The following KCND2 variants were observed in gnomAD, a reference collection of about 807,000 sequenced individuals.
KCND2 encodes the protein A-type voltage-gated potassium channel KCND2.
KCND2 carries 16 observed loss-of-function variants against 54.4 expected under a neutral mutation model. That is an observed-to-expected ratio of 0.29 (90% CI 0.20 to 0.45). The LOEUF is 0.45. KCND2 is among the 20% of genes least tolerant of loss of function. The probability of loss-of-function intolerance (pLI) is 1.00; values close to 1 mark genes in which losing one functional copy is unlikely to be tolerated. For synonymous variants in KCND2, 317 were observed against 310.7 expected (o/e 1.02, Z -0.21); for missense variants, 486 against 824.2 (o/e 0.59, Z 5.02).
intron 1 of KCND2, among the ~76,000 whole-genome samples, chr7:120,599,070 G>C (rs1014433020): frequency 6.6e-6 from 1 of 152,088 alleles, no homozygotes; most frequent in Non-Finnish European, 1.5e-5. Context: ...AGCACTATTT[G>C]TTCAAAAGAT....
chr7:120,629,477 C>T (rs1793204995), intron 1 of KCND2, among the ~76,000 whole-genome samples: 1 of 152,026 alleles, frequency 6.6e-6, no homozygotes, highest in Non-Finnish European at 1.5e-5. Flanking sequence ...CAGAGCGAGA[C>T]TCCGTCTCGG....
intron 1 of KCND2, among the ~76,000 whole-genome samples, chr7:120,312,370 C>T (rs1799748204): frequency 1.3e-5 from 2 of 151,816 alleles, no homozygotes; most frequent in Admixed American, 6.6e-5. Flanking sequence ...GTTTTTATAA[C>T]AGAAAGATTT....
At chr7:120,362,926 A>C (rs1187145582) in intron 1 of KCND2, among the ~76,000 whole-genome samples, 1 of 152,038 alleles carries the variant, frequency 6.6e-6, no homozygotes, top group Non-Finnish European at 1.5e-5. Context: ...GGAAAGTATT[A>C]ATTGGGAGGT....
At chr7:120,623,001 G>A (rs538575602) in intron 1 of KCND2, among the ~76,000 whole-genome samples, 50 of 152,148 alleles carry the variant, frequency 3.3e-4, no homozygotes, top group Non-Finnish European at 5.0e-4. Context: ...CAATGGAAAT[G>A]TAATATATTA....
chr7:120,304,161 C>T (rs550345293), intron 1 of KCND2, among the ~76,000 whole-genome samples: 1 of 152,204 alleles, frequency 6.6e-6, no homozygotes, highest in South Asian at 2.1e-4. Flanking sequence ...TCACTGCTCC[C>T]CAGGGCTTTT....
intron 1 of KCND2, among the ~76,000 whole-genome samples, chr7:120,523,386 A>G (rs1321724851): frequency 6.6e-6 from 1 of 151,328 alleles, no homozygotes; most frequent in Non-Finnish European, 1.5e-5. Flanking sequence ...AATAAACTTT[A>G]AAATACTAAT....
chr7:120,436,393 T>C (rs1174805056), intron 1 of KCND2, among the ~76,000 whole-genome samples: 1 of 152,234 alleles, frequency 6.6e-6, no homozygotes, highest in East Asian at 1.9e-4. Flanking sequence ...GTTATGCAAA[T>C]ATAATCCTTA....
At chr7:120,299,314 G>A (rs558719488) in intron 1 of KCND2, among the ~76,000 whole-genome samples, 1 of 152,294 alleles carries the variant, frequency 6.6e-6, no homozygotes, top group South Asian at 2.1e-4. Context: ...GTCACGATCA[G>A]TGAGTTAACA....
chr7:120,455,306 C>T (rs994017654), intron 1 of KCND2, among the ~76,000 whole-genome samples: 2 of 152,002 alleles, frequency 1.3e-5, no homozygotes, highest in East Asian at 3.9e-4. Flanking sequence ...GCTACAGTAA[C>T]CAAAACAGCA....
In KCND2 at chr7:120,681,927, G is replaced by C. The variant is rs140267587; in HGVS notation, c.1116-50976G>C. Among the ~76,000 whole-genome samples the C allele has an allele frequency of 3.0e-3, 456 of 151,876 alleles. 2 individuals carry two copies. Among genetic ancestry groups the C allele is most frequent in the African/African-American group, 0.01 (426 of 41,508 alleles). On this transcript the variant is annotated intron_variant, in intron 1 of 5. Coordinates refer to ENST00000331113, the MANE Select transcript of KCND2 (RefSeq NM_012281.3). Reference sequence around the variant, plus strand: ...AATACTAACTTAAAGATAATTAAATGAAACTCCCAAAAAGGCATAGTTAAA... The same window carrying C: ...AATACTAACTTAAAGATAATTAAATCAAACTCCCAAAAAGGCATAGTTAAA...
At chr7:120,405,460 G>A (rs1228400158) in intron 1 of KCND2, among the ~76,000 whole-genome samples, 3 of 152,030 alleles carry the variant, frequency 2.0e-5, no homozygotes, top group Non-Finnish European at 4.4e-5. Flanking sequence ...AAAGAGTTAT[G>A]GAAAACACAT....
chr7:120,304,838 C>G (rs1799628405), intron 1 of KCND2, among the ~76,000 whole-genome samples: 2 of 152,090 alleles, frequency 1.3e-5, no homozygotes, highest in Admixed American at 6.6e-5. Flanking sequence ...TCTGGTGATT[C>G]CTAAGAGAGC....
At chr7:120,740,525 A>C (rs2116171853) in intron 2 of KCND2, among the ~76,000 whole-genome samples, 1 of 152,242 alleles carries the variant, frequency 6.6e-6, no homozygotes, top group East Asian at 1.9e-4. Context: ...TCACCAAAAT[A>C]GTGCTGTCCA....
At chr7:120,461,742 A>AT (rs996618990) in intron 1 of KCND2, among the ~76,000 whole-genome samples, 7 of 151,952 alleles carry the variant, frequency 4.6e-5, no homozygotes, top group African/African-American at 1.4e-4. Context: ...TGCTATTTTC[A>AT]TTTTTTTAAA....
intron 1 of KCND2, among the ~76,000 whole-genome samples, chr7:120,601,903 A>G (rs1441158275): frequency 6.6e-6 from 1 of 152,216 alleles, no homozygotes; most frequent in Admixed American, 6.5e-5. Flanking sequence ...GTGTGAGGCC[A>G]ATATAGAATT....
intron 1 of KCND2, among the ~76,000 whole-genome samples, chr7:120,428,652 A>G (rs1394060680): frequency 2.6e-5 from 4 of 152,192 alleles, no homozygotes; most frequent in African/African-American, 9.6e-5. Flanking sequence ...TACTAAGGTC[A>G]ATACTAAAGA....
intron 1 of KCND2, among the ~76,000 whole-genome samples, chr7:120,596,601 C>G (rs1321475904): frequency 1.3e-5 from 2 of 152,176 alleles, no homozygotes; most frequent in African/African-American, 4.8e-5. Context: ...TCAAAGCATA[C>G]ACTCTTTCTA....
intron 1 of KCND2, among the ~76,000 whole-genome samples, chr7:120,515,468 A>G (rs1462615122): frequency 1.3e-5 from 2 of 152,106 alleles, no homozygotes; most frequent in African/African-American, 4.8e-5. Flanking sequence ...AAGGTTATGA[A>G]GAAATAGTAG....
rs185672090 is a variant in KCND2 at position 120,349,906 on chromosome 7, T to G, written c.1115+74159T>G. On this transcript the variant is annotated intron_variant, in intron 1 of 5. Transcript: ENST00000331113. ...TTAATGATTTTTACTACTTATTCTC[T>G]TTAGTATCTTTTAAGTTCCTTTGTG... is the stretch of plus-strand genomic sequence containing the variant. 3.9e-5 allele frequency among the ~76,000 whole-genome samples: 6 copies of G among 152,288 alleles called. No individual in the cohort carries two copies. The East Asian group carries it at 9.6e-4, about 24-fold the overall frequency.
Sources: gnomAD v4.1 joint callset for allele counts (sites outside exome capture counted in the v4.1 genomes callset) on GRCh38, gnomAD v4.1.1 for gene constraint, MANE v1.5 for transcripts, NCBI Gene and HGNC (gene_info 2026-07-23, HGNC 2026-07-21) for gene names.